Variants in SRD5A2 observed in about 807,000 individuals in gnomAD.
SRD5A2 encodes steroid 5 alpha-reductase 2.
Under a neutral mutation model 27.4 loss-of-function variants are expected in SRD5A2, and 30 were observed. That is an observed-to-expected ratio of 1.10 (90% CI 0.82 to 1.49). SRD5A2 has a LOEUF of 1.49. SRD5A2 is among the 40% of genes most tolerant of loss of function. The pLI is 0.00. For missense variants in SRD5A2, 348 were observed against 323.4 expected, an observed-to-expected ratio of 1.08 and a Z score of -0.58; for synonymous variants, 141 against 133.6, an observed-to-expected ratio of 1.06 and a Z score of -0.38.
chr2:31,571,056 G>T (rs549922964), intron 1 of SRD5A2, among the ~76,000 whole-genome samples: 257 of 152,074 alleles, frequency 1.7e-3, no homozygotes, highest in African/African-American at 5.9e-3. Flanking sequence ...AAAGAGCTGG[G>T]ATAACCAGGC....
chr2:31,642,982 G>A, the SRD5A2 span, among the ~76,000 whole-genome samples: 10 of 151,800 alleles, frequency 6.6e-5, no homozygotes, highest in Non-Finnish European at 2.9e-5. Flanking sequence ...GTTAATTTAC[G>A]GTGGAAAAAA....
chr2:31,530,975 A>G (rs1665895144), intron 3 of SRD5A2, among the ~76,000 whole-genome samples: 1 of 152,230 alleles, frequency 6.6e-6, no homozygotes, highest in South Asian at 2.1e-4. Context: ...AGATAAGTCT[A>G]GATCAATTGG....
the SRD5A2 span, among the ~76,000 whole-genome samples, chr2:31,608,467 CTG>C: frequency 6.6e-6 from 1 of 151,754 alleles, no homozygotes; most frequent in East Asian, 1.9e-4. Flanking sequence ...ATGGTTGGAA[CTG>C]TTGGAAAGAA....
At chr2:31,641,391 G>A in the SRD5A2 span, among the ~76,000 whole-genome samples, 76 of 152,122 alleles carry the variant, frequency 5.0e-4, no homozygotes, top group Admixed American at 1.7e-3. Context: ...TGCAGTAAAA[G>A]TATCTTTGAA....
chr2:31,591,414 G>A, the SRD5A2 span, among the ~76,000 whole-genome samples: 5 of 152,176 alleles, frequency 3.3e-5, no homozygotes, highest in Middle Eastern at 3.4e-3. Context: ...TTAAAATGGC[G>A]ATCATTAAAA....
chr2:31,546,128 C>T (rs1366699191), intron 1 of SRD5A2, among the ~76,000 whole-genome samples: 1 of 151,702 alleles, frequency 6.6e-6, no homozygotes, highest in Admixed American at 6.6e-5. Context: ...GTCCATACTA[C>T]CAACACAATC....
the SRD5A2 span, among the ~76,000 whole-genome samples, chr2:31,587,157 G>C: frequency 3.9e-5 from 6 of 152,290 alleles, no homozygotes; most frequent in Non-Finnish European, 5.9e-5. Context: ...CATCATCACT[G>C]ATCATTAGAG....
upstream of SRD5A2, among the ~76,000 whole-genome samples, chr2:31,584,113 T>C (rs1353684737): frequency 6.6e-6 from 1 of 152,062 alleles, no homozygotes; most frequent in Admixed American, 6.5e-5. Flanking sequence ...ATAAAGGAAG[T>C]GGTTGGGGAA....
At chr2:31,615,105 A>T in the SRD5A2 span, among the ~76,000 whole-genome samples, 19 of 152,032 alleles carry the variant, frequency 1.2e-4, no homozygotes, top group African/African-American at 4.1e-4. Context: ...ATTTCTTTTT[A>T]AAAAATAATA....
chr2:31,554,252 A>G (rs888069429), intron 1 of SRD5A2, among the ~76,000 whole-genome samples: 1 of 152,172 alleles, frequency 6.6e-6, no homozygotes, highest in Admixed American at 6.5e-5. Flanking sequence ...CTCAATCTAG[A>G]AGATTGAAGA....
chr2:31,614,742 A>T, the SRD5A2 span, among the ~76,000 whole-genome samples: 1 of 152,148 alleles, frequency 6.6e-6, no homozygotes, highest in Non-Finnish European at 1.5e-5. Context: ...ATCTAGGCGG[A>T]AGTTCCAAAA....
At chr2:31,604,324 T>G in the SRD5A2 span, among the ~76,000 whole-genome samples, 1 of 151,744 alleles carries the variant, frequency 6.6e-6, no homozygotes, top group Non-Finnish European at 1.5e-5. Flanking sequence ...GCCTCCAAAT[T>G]GAAAAGGAAG....
intron 1 of SRD5A2, among the ~76,000 whole-genome samples, chr2:31,565,243 C>T (rs982060361): frequency 1.3e-5 from 2 of 151,654 alleles, no homozygotes; most frequent in Non-Finnish European, 3.0e-5. Flanking sequence ...TAAAATAATA[C>T]TAAATCCAAA....
At chr2:31,627,014 T>A in the SRD5A2 span, among the ~76,000 whole-genome samples, 1 of 152,184 alleles carries the variant, frequency 6.6e-6, no homozygotes, top group Admixed American at 6.6e-5. Flanking sequence ...GGTAGGCTAT[T>A]AATTGTTGCC....
chr2:31,648,649 C>A, the SRD5A2 span, among the ~76,000 whole-genome samples: 1 of 152,200 alleles, frequency 6.6e-6, no homozygotes, highest in Non-Finnish European at 1.5e-5. Flanking sequence ...GAAAAAGAAT[C>A]TATTCAGTTC....
the SRD5A2 span, among the ~76,000 whole-genome samples, chr2:31,628,907 G>A: frequency 1.3e-5 from 2 of 152,124 alleles, no homozygotes; most frequent in Non-Finnish European, 2.9e-5. Context: ...AGAATCCGAT[G>A]ACTGTGTGTC....
the SRD5A2 span, among the ~76,000 whole-genome samples, chr2:31,656,353 C>A: frequency 7.9e-5 from 12 of 152,186 alleles, no homozygotes; most frequent in Non-Finnish European, 1.6e-4. Context: ...CTCCTTTGAT[C>A]ATCCCTTTTC....
chr2:31,660,928 G>T, the SRD5A2 span, among the ~76,000 whole-genome samples: 261 of 152,076 alleles, frequency 1.7e-3, no homozygotes, highest in Non-Finnish European at 2.9e-3. Flanking sequence ...TGTTCTCATG[G>T]TTCATGGCCC....
At position 31,523,712 on chromosome 2, in the gene SRD5A2, T is replaced by A. The variant is rs143027663; in HGVS notation, c.*2484A>T. 2.3e-5 allele frequency: 5 copies of A among 221,146 alleles called. No homozygotes were observed. Among genetic ancestry groups the A allele is most frequent in the Non-Finnish European group, 3.6e-5 (4 of 110,468 alleles). The allele number at this position is 221,146 out of a possible 1,614,324, so 13.7% of individuals were successfully genotyped here. Reference sequence around the variant, plus strand: ...ATTATTTTAGCCAAAAAACAGTCCATGGAAACCTCAATTAACTATAATTTT... The same window carrying A: ...ATTATTTTAGCCAAAAAACAGTCCAAGGAAACCTCAATTAACTATAATTTT... On this transcript the variant is annotated 3_prime_UTR_variant, in exon 5 of 5. Coordinates refer to ENST00000622030, the MANE Select transcript of SRD5A2 (RefSeq NM_000348.4).
Sources: gnomAD v4.1 joint callset for allele counts (sites outside exome capture counted in the v4.1 genomes callset) on GRCh38, gnomAD v4.1.1 for gene constraint, MANE v1.5 for transcripts, NCBI Gene and HGNC (gene_info 2026-07-23, HGNC 2026-07-21) for gene names.